TTC21B: variants seen among roughly 807,000 people sequenced by gnomAD.
The protein encoded by TTC21B is tetratricopeptide repeat domain 21B.
TTC21B carries 127 observed loss-of-function variants against 175.1 expected under a neutral mutation model. The observed-to-expected ratio is 0.73, with a 90% CI of 0.63 to 0.84. The LOEUF is 0.84. TTC21B is among the 40% of genes least tolerant of loss of function. The probability of loss-of-function intolerance (pLI) is 0.00; values close to 1 mark genes in which losing one functional copy is unlikely to be tolerated. For missense variants in TTC21B, 1,561 were observed against 1,558.3 expected (o/e 1.00, Z -0.03); for synonymous variants, 524 against 524.5 (o/e 1.00, Z 0.01).
chr2:165,909,133 T>A (rs1471509331), intron 18 of TTC21B, among the ~76,000 whole-genome samples: 1 of 151,912 alleles, frequency 6.6e-6, no homozygotes, highest in Non-Finnish European at 1.5e-5. Flanking sequence ...GCAATGTATA[T>A]GAAGGAGTTT....
intron 6 of TTC21B, among the ~76,000 whole-genome samples, chr2:165,934,500 C>CAAAAAAAAAAAAAAAA (rs369089707): frequency 5.6e-5 from 4 of 71,900 alleles, no homozygotes; most frequent in Admixed American, 1.9e-4. Context: ...GACTCTGTCT[C>CAAAAAAAAAAAAAAAA]AAAAAAAAAA....
At chr2:165,914,678 T>TGTGTGTGTGTGCGCGCGCGCGC (rs1686083813) in intron 15 of TTC21B, among the ~76,000 whole-genome samples, 1 of 117,846 alleles carries the variant, frequency 8.5e-6, no homozygotes, top group African/African-American at 4.0e-5. Flanking sequence ...TGTGTGTGTG[T>TGTGTGTGTGTGCGCGCGCGCGC]GTGTGTGTGT....
rs961655532 is a variant in TTC21B at position 165,902,872 on chromosome 2, T to C, written c.2569-962A>G. The stretch of plus-strand genomic sequence containing the variant: ...CTTGTACCTCTACACATCAAGATGT[T>C]GTCCTCTGACATCACTTAGCCATTA... On this transcript the variant is annotated intron_variant, in intron 19 of 28. Coordinates refer to ENST00000243344, the MANE Select transcript of TTC21B (RefSeq NM_024753.5). Among the ~76,000 whole-genome samples the C allele has an allele frequency of 3.3e-5, 5 of 152,318 alleles. No homozygotes were observed. In the East Asian group the frequency reaches 9.6e-4, roughly 29 times the overall value.
At position 165,941,197 on chromosome 2, in the gene TTC21B, A is replaced by G. The variant is rs1011116667; in HGVS notation, c.553-13T>C. On this transcript the variant is annotated splice_polypyrimidine_tract_variant and intron_variant, in intron 5 of 28. Transcript: ENST00000243344. ...CAAGGCATTGTGCCTAATGGAAGGGAAAAAAAGTGATATCCAAACTGTGAT... is the reference window on the plus strand; with the variant it reads ...CAAGGCATTGTGCCTAATGGAAGGGGAAAAAAGTGATATCCAAACTGTGAT... 5 of 1,612,564 alleles carry G rather than the reference A, an allele frequency of 3.1e-6. No homozygotes were observed. The highest frequency in any genetic ancestry group is 1.7e-4 in the Middle Eastern group (1 of 6,056).
chr2:165,912,678 C>T (rs368485786), intron 16 of TTC21B, 54 bp from the exon 17 acceptor site: 1 of 1,251,274 alleles, frequency 8.0e-7, no homozygotes, highest in Middle Eastern at 1.9e-4. Flanking sequence ...AACTGGGTCC[C>T]ATTAAAGGGC....
chr2:165,936,940 G>A (rs1687172646), intron 6 of TTC21B, among the ~76,000 whole-genome samples: 1 of 151,950 alleles, frequency 6.6e-6, no homozygotes. Context: ...CAGGAATTAT[G>A]TTCCTTGGCA....
rs753026470 is a variant in TTC21B, at chr2:165,901,824, T to C, written c.2655A>G (p.Glu885=). 6.2e-7 allele frequency: 1 copy of C among 1,614,150 alleles called. No individual in the cohort carries two copies. The highest frequency in any genetic ancestry group is 2.2e-5 in the East Asian group (1 of 44,870). ...AVPAQKHLAA[E]ICAEIAKHSV... ...AATGTTTTGCAATCTCTGCACAAAT[T>C]TCAGCTGCTAAATGTTTCTGTGCAG... is the stretch of plus-strand genomic sequence containing the variant. Residue 885 remains glutamate (E), a synonymous_variant, in exon 20 of 29, where the codon GAA becomes GAG. Transcript: ENST00000243344.
At chr2:165,910,086 G>C (rs959451788) in intron 18 of TTC21B, among the ~76,000 whole-genome samples, 5 of 152,038 alleles carry the variant, frequency 3.3e-5, no homozygotes, top group African/African-American at 1.2e-4. Flanking sequence ...CTGGCAATGG[G>C]CAACCACTAG....
At chr2:165,927,512 T>G (rs1242559566) in intron 11 of TTC21B, among the ~76,000 whole-genome samples, 4 of 150,746 alleles carry the variant, frequency 2.7e-5, no homozygotes, top group African/African-American at 9.8e-5. Flanking sequence ...ACAATTGACT[T>G]AATGATATTA....
intron 27 of TTC21B, among the ~76,000 whole-genome samples, chr2:165,877,956 A>C (rs1373293277): frequency 6.6e-6 from 1 of 152,210 alleles, no homozygotes; most frequent in Non-Finnish European, 1.5e-5. Context: ...ACATACTTAC[A>C]TGGGAACTAG....
intron 22 of TTC21B, among the ~76,000 whole-genome samples, chr2:165,895,663 C>T (rs370861626): frequency 4.5e-4 from 69 of 151,954 alleles, no homozygotes; most frequent in South Asian, 8.3e-4. Flanking sequence ...GGGAAAAAAA[C>T]GATACAGGCC....
chr2:165,910,926 G>A (rs1200896680), intron 18 of TTC21B, among the ~76,000 whole-genome samples: 5 of 152,016 alleles, frequency 3.3e-5, no homozygotes. Flanking sequence ...GAGGTAATTT[G>A]AGAACAAGGC....
At chr2:165,891,106 TA>T (rs1685176821) in intron 22 of TTC21B, 118 bp from the exon 23 acceptor site, 2 of 898,688 alleles carry the variant, frequency 2.2e-6, no homozygotes, top group East Asian at 2.7e-5. Flanking sequence ...TAAATATAAA[TA>T]AAAAATGCCT....
At chr2:165,951,148 G>T (rs1370428327) in intron 1 of TTC21B, among the ~76,000 whole-genome samples, 2 of 152,098 alleles carry the variant, frequency 1.3e-5, no homozygotes, top group Non-Finnish European at 2.9e-5. Context: ...TAAAGTTGCA[G>T]AATGACTTCT....
At chr2:165,899,745 T>C (rs749391755) in intron 21 of TTC21B, 25 bp downstream of exon 21, 4 of 1,468,270 alleles carry the variant, frequency 2.7e-6, no homozygotes, top group Admixed American at 3.3e-5. Context: ...AGTGCTTTTA[T>C]TGTACTGAAG....
At chr2:165,924,126 T>C (rs543399549) in intron 12 of TTC21B, among the ~76,000 whole-genome samples, 33 of 152,238 alleles carry the variant, frequency 2.2e-4, no homozygotes, top group African/African-American at 7.5e-4. Context: ...AAACGGATTG[T>C]TTTTATTTTA....
At chr2:165,914,688 T>TACGTGCGCGCGCGCGC (rs1686093193) in intron 15 of TTC21B, among the ~76,000 whole-genome samples, 1 of 150,948 alleles carries the variant, frequency 6.6e-6, no homozygotes, top group East Asian at 1.9e-4. Context: ...TGTGTGTGTG[T>TACGTGCGCGCGCGCGC]GTGTGTGTGT....
At chr2:165,934,677 G>A (rs1687060822) in intron 6 of TTC21B, 1 of 149,510 alleles carries the variant, frequency 6.7e-6, no homozygotes, top group African/African-American at 2.5e-5. Flanking sequence ...ATGAAAAATT[G>A]CTCAATCTCA....
rs553464387 is a variant in TTC21B, at chr2:165,880,881, T to C, written c.3685-82A>G. On this transcript the variant is annotated intron_variant, in intron 26 of 28. Transcript: ENST00000243344. Reference sequence around the variant, plus strand: ...GGATGTTTGTGACTATAGAGGTCAATCATATCAACCCATTTAAATGACAAA... The same window carrying C: ...GGATGTTTGTGACTATAGAGGTCAACCATATCAACCCATTTAAATGACAAA... 7.1e-6 allele frequency: 10 copies of C among 1,410,382 alleles called. No homozygotes were observed. In the South Asian group the frequency reaches 1.2e-4, roughly 17 times the overall value. 87.4% of individuals were successfully genotyped at this position (1,410,382 alleles called of 1,614,324 possible).
Sources: allele counts gnomAD v4.1 joint callset (sites outside exome capture counted in the v4.1 genomes callset), GRCh38; gene constraint gnomAD v4.1.1; transcripts MANE v1.5; gene names NCBI Gene and HGNC (gene_info 2026-07-23, HGNC 2026-07-21).